Variants in UNC80 observed in about 807,000 individuals in gnomAD.
The protein encoded by UNC80 is unc-80 subunit of NALCN channel complex, also known as protein unc-80 homolog.
Under a neutral mutation model 384.6 loss-of-function variants are expected in UNC80, and 164 were observed. The observed-to-expected ratio is 0.43, with a 90% CI of 0.38 to 0.49. The LOEUF (loss-of-function observed/expected upper bound fraction) is 0.49. UNC80 is among the 20% of genes least tolerant of loss of function. The probability of loss-of-function intolerance (pLI) is 0.00; values close to 1 mark genes in which losing one functional copy is unlikely to be tolerated. For missense variants in UNC80, 3,330 were observed against 4,143.0 expected (o/e 0.80, Z 5.39); for synonymous variants, 1,486 against 1,527.8 (o/e 0.97, Z 0.64).
intron 31 of UNC80, among the ~76,000 whole-genome samples, chr2:209,916,960 C>T (rs2124946985): frequency 6.6e-6 from 1 of 152,222 alleles, no homozygotes; most frequent in African/African-American, 2.4e-5. Context: ...TTGGGAGGTT[C>T]ACCAGTAAAG....
Position 209,976,951 on chromosome 2 carries a change from C to T in UNC80, c.8811C>T (p.Ser2937=), listed in dbSNP as rs1195337190. Residue 2937 remains serine, a synonymous_variant, in exon 58 of 65, where the codon TCC becomes TCT. Transcript: ENST00000673920. The surrounding 1 kb of genome is among the most constrained non-coding windows in gnomAD (Gnocchi z 4.3). ...CAGCAGAGAATCATGAAGAGCTTTC[C>T]GCCCGGCAACATATTGCCGACCAGC... is the stretch of plus-strand genomic sequence containing the variant. The part of the protein sequence containing the change: ...AQPAENHEEL[S]ARQHIADQLE... 11 of 1,528,800 alleles carry T rather than the reference C, an allele frequency of 7.2e-6. No individual in the cohort carries two copies. Among genetic ancestry groups the T allele is most frequent in the East Asian group, 5.0e-5 (2 of 40,238 alleles). 94.7% of individuals were successfully genotyped at this position (1,528,800 alleles called of 1,614,324 possible).
chr2:209,934,566 G>A (rs747435832), intron 39 of UNC80, among the ~76,000 whole-genome samples: 3 of 152,164 alleles, frequency 2.0e-5, no homozygotes, highest in Non-Finnish European at 4.4e-5. Flanking sequence ...GAAAATTTGA[G>A]ATGATACATG....
chr2:209,931,136 A>G lies in UNC80; in HGVS notation c.5994+82A>G, dbSNP rs540018555. The G allele has an allele frequency of 4.8e-6, 5 of 1,044,948 alleles. No homozygotes were observed. The African/African-American group carries it at 8.0e-5, about 17-fold the overall frequency. 64.7% of individuals were successfully genotyped at this position (1,044,948 alleles called of 1,614,324 possible). A position where few individuals can be genotyped will look rare whatever the true frequency, so the allele number is the denominator to read the frequency against. On this transcript the variant is annotated intron_variant, in intron 38 of 64. Transcript: ENST00000673920. ...AGAAGATTTTTTTCAATAAATTTCC[A>G]TTAATTACATTACTAAAGGCAAATC...
Position 209,825,965 on chromosome 2 carries a change from T to C in UNC80, c.2390T>C (p.Val797Ala). 1 of 1,550,998 alleles carries C rather than the reference T, an allele frequency of 6.4e-7. No individual in the cohort carries two copies. The highest frequency in any genetic ancestry group is 1.2e-5 in the South Asian group (1 of 83,956). Residue 797 changes from valine to alanine, a missense_variant, in exon 14 of 65, where the codon GTG becomes GCG. Val to Ala is a moderately conservative substitution (Grantham distance 64). Coordinates refer to ENST00000673920, the MANE Select transcript of UNC80 (RefSeq NM_001371986.1). ...GCTCTAACAATGCTCATCAAAATAGTGAAGTCTTTGGGATGTGCCTATGGT... is the reference window on the plus strand; with the variant it reads ...GCTCTAACAATGCTCATCAAAATAGCGAAGTCTTTGGGATGTGCCTATGGT... The part of the protein sequence containing the change: ...RLALTMLIKI[V>A]KSLGCAYGCG...
rs1574604236 is a variant in UNC80 at position 209,823,248 on chromosome 2, T to C, written c.2331+2569T>C. Among the ~76,000 whole-genome samples the C allele has an allele frequency of 3.3e-5, 5 of 152,310 alleles. No homozygotes were observed. In the East Asian group the frequency reaches 9.6e-4, roughly 29 times the overall value. The stretch of plus-strand genomic sequence containing the variant: ...CTGAATGTCTCCTATGAAAGCAACC[T>C]GAATCCCAAGGACATCTGAAGGTCT... On this transcript the variant is annotated intron_variant, in intron 13 of 64. Transcript: ENST00000673920.
At chr2:209,819,329 T>C in intron 12 of UNC80, 68 bp downstream of exon 12, 1 of 1,428,162 alleles carries the variant, frequency 7.0e-7, no homozygotes, top group South Asian at 1.4e-5. Context: ...TTTTGCAATG[T>C]TATATAAAAT....
chr2:209,785,262 T>C (rs1335167475), intron 4 of UNC80, among the ~76,000 whole-genome samples: 1 of 152,184 alleles, frequency 6.6e-6, no homozygotes, highest in African/African-American at 2.4e-5. Context: ...TATCTTTACA[T>C]TGTTTTGAGA....
chr2:209,883,071 C>T (rs953026007), intron 25 of UNC80, among the ~76,000 whole-genome samples: 6 of 152,056 alleles, frequency 3.9e-5, no homozygotes, highest in Non-Finnish European at 8.8e-5. Flanking sequence ...TGTATTGTGT[C>T]GAGATGTGGC....
At chr2:209,987,413 G>C (rs2093310955) in intron 61 of UNC80, among the ~76,000 whole-genome samples, 1 of 152,134 alleles carries the variant, frequency 6.6e-6, no homozygotes, top group Admixed American at 6.5e-5. Context: ...AAATTAATAA[G>C]ATGAAATCAT....
At chr2:209,924,804 G>T (rs1306775335) in intron 35 of UNC80, among the ~76,000 whole-genome samples, 1 of 151,358 alleles carries the variant, frequency 6.6e-6, no homozygotes, top group Non-Finnish European at 1.5e-5. Context: ...AATGCCCTGG[G>T]GATAAAGCTG....
chr2:209,902,593 CT>C (rs1432312102), intron 28 of UNC80, among the ~76,000 whole-genome samples: 2 of 152,164 alleles, frequency 1.3e-5, no homozygotes, highest in African/African-American at 4.8e-5. Flanking sequence ...TCAGCAACCA[CT>C]TCTCTCTCTC....
chr2:209,797,222 A>AAAC (rs2153826014), intron 7 of UNC80, among the ~76,000 whole-genome samples: 1 of 152,302 alleles, frequency 6.6e-6, no homozygotes, highest in South Asian at 2.1e-4. Context: ...AACAAACAAA[A>AAAC]AAAATGAGAC....
At chr2:209,953,188 C>T (rs772511250) in intron 47 of UNC80, among the ~76,000 whole-genome samples, 18 of 151,962 alleles carry the variant, frequency 1.2e-4, no homozygotes, top group Non-Finnish European at 2.2e-4. Context: ...GAGGCTGAGG[C>T]GGGAAGATTG....
In UNC80 at chr2:209,994,185, C is replaced by A. The variant is rs1383130930; in HGVS notation, c.9629C>A (p.Pro3210Gln). 1.2e-5 allele frequency: 19 copies of A among 1,551,376 alleles called. 1 individual carries two copies. The Admixed American group carries it at 2.0e-4, about 16-fold the overall frequency. ...QGCSPAPSRKPEAMDEPVLTS... is the reference protein window; with the variant it reads ...QGCSPAPSRKQEAMDEPVLTS... ...TGTAGCCCAGCCCCTTCTAGGAAAC[C>A]AGAAGCAATGGACGAACCAGTCCTC... The change falls in exon 64 of 65, where the codon CCA becomes CAA. Residue 3210 changes from proline (P) to glutamine (Q), a missense_variant. Transcript: ENST00000673920.
At chr2:209,859,719 C>T (rs997441301) in intron 22 of UNC80, among the ~76,000 whole-genome samples, 4 of 152,164 alleles carry the variant, frequency 2.6e-5, no homozygotes, top group Non-Finnish European at 5.9e-5. Flanking sequence ...TTAATAATCT[C>T]CACTCTGACC....
intron 6 of UNC80, among the ~76,000 whole-genome samples, chr2:209,792,440 C>G (rs909530113): frequency 1.3e-5 from 2 of 152,178 alleles, no homozygotes; most frequent in Non-Finnish European, 1.5e-5. Context: ...CTCCGCCTCC[C>G]GGGTTCATGC....
chr2:209,801,125 A>C (rs908507668), intron 7 of UNC80, among the ~76,000 whole-genome samples: 2 of 152,070 alleles, frequency 1.3e-5, no homozygotes, highest in African/African-American at 4.8e-5. Flanking sequence ...TTTCTGTCTC[A>C]TTGATCTGTG....
chr2:209,966,104 G>A (rs1381767769), intron 51 of UNC80, among the ~76,000 whole-genome samples: 2 of 152,082 alleles, frequency 1.3e-5, no homozygotes, highest in African/African-American at 4.8e-5. Flanking sequence ...GGAATCCTCT[G>A]TCCTACATTC....
chr2:209,973,353 A>C, intron 56 of UNC80, 83 bp downstream of exon 56: 1 of 1,206,414 alleles, frequency 8.3e-7, no homozygotes, highest in Admixed American at 2.8e-5. Context: ...TAGATAGATA[A>C]ATAAATAAAT....
Sources: gnomAD v4.1 joint callset for allele counts (sites outside exome capture counted in the v4.1 genomes callset) on GRCh38, gnomAD v4.1.1 for gene constraint, Gnocchi (gnomAD v3.1) non-coding constraint, MANE v1.5 for transcripts, NCBI Gene and HGNC (gene_info 2026-07-23, HGNC 2026-07-21) for gene names.